The following PHC3 variants were observed in gnomAD, a reference collection of about 807,000 sequenced individuals.
PHC3 encodes the protein polyhomeotic-like protein 3.
PHC3 carries 13 observed loss-of-function variants against 107.4 expected under a neutral mutation model. The observed-to-expected ratio is 0.12, with a 90% confidence interval of 0.08 to 0.19. PHC3 has a LOEUF of 0.19. Among genes scored for constraint, PHC3 ranks in the 10% least tolerant of loss-of-function variants. PHC3 has a pLI of 1.00. For synonymous variants in PHC3, 456 were observed against 427.4 expected (o/e 1.07, Z -0.83); for missense variants, 992 against 1,210.9 (o/e 0.82, Z 2.68).
chr3:170,145,643 C>G (rs1401666859), intron 5 of PHC3, 122 bp from the exon 6 acceptor site: 2 of 540,696 alleles, frequency 3.7e-6, no homozygotes, highest in African/African-American at 3.8e-5. Flanking sequence ...AGGATTATCT[C>G]CTCAGCAAAA....
chr3:170,109,405 A>G (rs1717191323), intron 11 of PHC3, among the ~76,000 whole-genome samples: 1 of 152,164 alleles, frequency 6.6e-6, no homozygotes, highest in Non-Finnish European at 1.5e-5. Context: ...CTTGGAAATA[A>G]AAGTAACATT....
intron 4 of PHC3, among the ~76,000 whole-genome samples, chr3:170,168,753 C>CAAAAAA (rs59152470): frequency 2.6e-5 from 2 of 77,084 alleles, no homozygotes; most frequent in Non-Finnish European, 5.1e-5. Flanking sequence ...GACTCCGTCT[C>CAAAAAA]AAAAAAAAAA....
rs1473821250 is a variant in PHC3, at chr3:170,128,537, C to T, written c.1788+147G>A. 7.7e-6 allele frequency: 9 copies of T among 1,169,880 alleles called. No individual in the cohort carries two copies. The African/African-American group carries it at 9.4e-5, about 12-fold the overall frequency. The allele number at this position is 1,169,880 out of a possible 1,614,324, so 72.5% of individuals were successfully genotyped here. Reference sequence around the variant, plus strand: ...TGGCATTTTTTTTTTTTTGCCCATACAGCATGTTTGTCAGAATACTGACAC... The same window carrying T: ...TGGCATTTTTTTTTTTTTGCCCATATAGCATGTTTGTCAGAATACTGACAC... On this transcript the variant is annotated intron_variant, in intron 8 of 14. Transcript: ENST00000495893.
rs1723116711 is a variant in PHC3 at position 170,136,636 on chromosome 3, C to T, written c.702G>A (p.Lys234=). Residue 234 remains lysine, a synonymous_variant, in exon 7 of 15, where the codon AAG becomes AAA. Transcript: ENST00000495893. ...QVQNLTLRSQ[K]LGVLSSSQNG... is the part of the protein sequence containing the mutation. ...TCTGTGAGCTAGATAATACACCCAACTTCTGGCTGCGTAATGTTAAATTCT... is the reference window on the plus strand; with the variant it reads ...TCTGTGAGCTAGATAATACACCCAATTTCTGGCTGCGTAATGTTAAATTCT... 1 of 1,613,538 alleles carries T rather than the reference C, an allele frequency of 6.2e-7. No homozygotes were observed. Among genetic ancestry groups the T allele is most frequent in the Non-Finnish European group, 8.5e-7 (1 of 1,179,758 alleles).
At chr3:170,101,533 G>A (rs1405486336) in intron 14 of PHC3, among the ~76,000 whole-genome samples, 3 of 152,112 alleles carry the variant, frequency 2.0e-5, no homozygotes, top group Admixed American at 6.6e-5. Context: ...TAGAAAGCTT[G>A]TATCAAGAGA....
At chr3:170,162,367 A>G (rs1320990298) in intron 4 of PHC3, among the ~76,000 whole-genome samples, 7 of 152,146 alleles carry the variant, frequency 4.6e-5, no homozygotes, top group African/African-American at 1.7e-4. Context: ...GTCCAAAATC[A>G]AACTCCTAAT....
At chr3:170,126,544 C>A (rs371717277) in intron 8 of PHC3, among the ~76,000 whole-genome samples, 11 of 53,410 alleles carry the variant, frequency 2.1e-4, no homozygotes, top group Non-Finnish European at 4.3e-4. Context: ...TTTTTTTTTT[C>A]CTTTTTCTTT....
intron 10 of PHC3, among the ~76,000 whole-genome samples, chr3:170,116,331 G>A (rs1718959319): frequency 6.6e-6 from 1 of 152,126 alleles, no homozygotes; most frequent in South Asian, 2.1e-4. Flanking sequence ...TTGGGAGGCT[G>A]AGGCGGTAGA....
intron 8 of PHC3, 85 bp from the exon 9 acceptor site, chr3:170,122,829 T>A: frequency 6.8e-7 from 1 of 1,469,440 alleles, no homozygotes; most frequent in Non-Finnish European, 9.2e-7. Flanking sequence ...TTAAATTCTA[T>A]GTGTATTAAA....
intron 4 of PHC3, among the ~76,000 whole-genome samples, chr3:170,154,862 C>A (rs1410850729): frequency 3.3e-5 from 5 of 152,320 alleles, no homozygotes; most frequent in African/African-American, 1.2e-4. Flanking sequence ...TCCTTCCTTT[C>A]CACAACTGAT....
chr3:170,133,614 T>C (rs1054010310), intron 7 of PHC3, among the ~76,000 whole-genome samples: 2 of 152,248 alleles, frequency 1.3e-5, no homozygotes, highest in Non-Finnish European at 2.9e-5. Flanking sequence ...CAGGATTTTC[T>C]GCGTGGTTTG....
At position 170,168,965 on chromosome 3, in the gene PHC3, T is replaced by C. The variant is rs865965789; in HGVS notation, c.414+2408A>G. 3.8e-4 allele frequency among the ~76,000 whole-genome samples: 57 copies of C among 151,900 alleles called. No homozygotes were observed. In the Middle Eastern group the frequency reaches 0.01, roughly 27 times the overall value. ...AGTGTTTCGGATTTTTTTTTTTTTT[T>C]CAGATTTTGGAAAGATACAAACTGG... On this transcript the variant is annotated intron_variant, in intron 4 of 14. Coordinates refer to ENST00000495893, the MANE Select transcript of PHC3 (RefSeq NM_024947.4).
At chr3:170,176,209 G>C (rs1377150441) in intron 2 of PHC3, among the ~76,000 whole-genome samples, 11 of 140,632 alleles carry the variant, frequency 7.8e-5, no homozygotes, top group Non-Finnish European at 1.5e-5. Context: ...CTGGGCGATA[G>C]AGCGAGACTC....
At chr3:170,154,232 T>C (rs1726524052) in intron 4 of PHC3, among the ~76,000 whole-genome samples, 2 of 152,342 alleles carry the variant, frequency 1.3e-5, no homozygotes, top group African/African-American at 2.4e-5. Flanking sequence ...ATTAATGTCA[T>C]GTTATTTTAA....
At chr3:170,148,543 C>T (rs1416477960) in intron 5 of PHC3, 1 of 152,176 alleles carries the variant, frequency 6.6e-6, no homozygotes, top group Admixed American at 6.5e-5. Flanking sequence ...CACAAGAACA[C>T]AAATAACCTT....
At chr3:170,160,354 A>G (rs192546048) in intron 4 of PHC3, among the ~76,000 whole-genome samples, 15 of 152,348 alleles carry the variant, frequency 9.8e-5, no homozygotes, top group Non-Finnish European at 2.1e-4. Flanking sequence ...TTACCACTTG[A>G]TTAGTACTAT....
intron 6 of PHC3, among the ~76,000 whole-genome samples, chr3:170,139,436 T>C (rs758064787): frequency 1.3e-4 from 20 of 152,184 alleles, no homozygotes; most frequent in Non-Finnish European, 1.8e-4. Context: ...AAATGATCTA[T>C]AAAGTAGACT....
chr3:170,110,221 G>A (rs9825888), intron 11 of PHC3, among the ~76,000 whole-genome samples: 2,477 of 151,724 alleles, frequency 0.016, 59 homozygotes, highest in African/African-American at 0.057. Context: ...TCTTTTATTC[G>A]TAACACCTTC....
chr3:170,113,696 A>T (rs1222433212), intron 10 of PHC3, among the ~76,000 whole-genome samples, 177 bp from the exon 11 acceptor site: 1 of 152,218 alleles, frequency 6.6e-6, no homozygotes, highest in African/African-American at 2.4e-5. Context: ...GTGGACATGA[A>T]TGGTTTATTT....
Sources: allele counts gnomAD v4.1 joint callset (sites outside exome capture counted in the v4.1 genomes callset), GRCh38; gene constraint gnomAD v4.1.1; transcripts MANE v1.5; gene names NCBI Gene and HGNC (gene_info 2026-07-23, HGNC 2026-07-21).